Variants in COL19A1 observed in about 807,000 individuals in gnomAD.
COL19A1 encodes the protein collagen alpha-1(XIX) chain.
A neutral mutation model predicts 190.2 loss-of-function variants in COL19A1; 159 were observed. The ratio of observed to expected loss-of-function variants is 0.84; its 90% CI spans 0.73 to 0.95. The LOEUF is 0.95. COL19A1 is among the 40% of genes least tolerant of loss of function. The probability of loss-of-function intolerance (pLI) is 0.00; values close to 1 mark genes in which losing one functional copy is unlikely to be tolerated. For synonymous variants in COL19A1, 509 were observed against 458.9 expected (o/e 1.11, Z -1.39); for missense variants, 1,418 against 1,431.9 (o/e 0.99, Z 0.16).
intron 11 of COL19A1, among the ~76,000 whole-genome samples, chr6:69,986,710 G>A (rs1776336392): frequency 6.6e-6 from 1 of 152,112 alleles, no homozygotes; most frequent in East Asian, 1.9e-4. Flanking sequence ...TTCAAGTAAT[G>A]CTTATTTTGA....
intron 15 of COL19A1, among the ~76,000 whole-genome samples, chr6:70,079,208 A>G (rs116960594): frequency 6.6e-6 from 1 of 152,256 alleles, no homozygotes; most frequent in Non-Finnish European, 1.5e-5. Context: ...TTCAGAAGTG[A>G]TTGCTGACGT....
Position 70,142,752 on chromosome 6 carries a change from C to A in COL19A1, c.1573-15C>A. 1 of 1,605,448 alleles carries A rather than the reference C, an allele frequency of 6.2e-7. No homozygotes were observed. ...TTTTTAGCAAAGCTAAAGTATATAC[C>A]ACCTTTTATTTTAGGGTCAGCAAGG... On this transcript the variant is annotated splice_polypyrimidine_tract_variant and intron_variant, in intron 22 of 50. Coordinates refer to ENST00000620364, the MANE Select transcript of COL19A1 (RefSeq NM_001858.6).
intron 11 of COL19A1, among the ~76,000 whole-genome samples, chr6:69,968,499 C>A (rs574334783): frequency 1.3e-5 from 2 of 152,172 alleles, no homozygotes; most frequent in East Asian, 3.9e-4. Context: ...TATTTTTATA[C>A]TAGTACCACA....
intron 47 of COL19A1, 150 bp from the exon 48 acceptor site, chr6:70,190,165 T>C (rs773855717): frequency 9.5e-6 from 6 of 630,904 alleles, no homozygotes; most frequent in Non-Finnish European, 1.7e-5. Context: ...AACAGATATT[T>C]ATTGCCCAAT....
intron 11 of COL19A1, among the ~76,000 whole-genome samples, chr6:70,007,307 A>G: frequency 6.6e-6 from 1 of 152,106 alleles, no homozygotes; most frequent in Non-Finnish European, 1.5e-5. Context: ...TTACAAAGCA[A>G]TATCCAACTA....
At chr6:69,882,989 GA>G (rs1394393688) in intron 2 of COL19A1, among the ~76,000 whole-genome samples, 1 of 152,194 alleles carries the variant, frequency 6.6e-6, no homozygotes, top group Non-Finnish European at 1.5e-5. Context: ...GAAAGTGGAG[GA>G]AAGCTTCACA....
Position 70,068,407 on chromosome 6 carries a change from C to T in COL19A1, c.1171-16C>T, listed in dbSNP as rs763156390. The T allele has an allele frequency of 6.5e-7, 1 of 1,539,726 alleles. No individual in the cohort carries two copies. The highest frequency in any genetic ancestry group is 9.0e-7 in the Non-Finnish European group (1 of 1,111,944). Reference sequence around the variant, plus strand: ...CTTGAAACAGTGTATTAACATGTGTCTCTTTTTCCTCATAGGGTTCCCTGG... The same window carrying T: ...CTTGAAACAGTGTATTAACATGTGTTTCTTTTTCCTCATAGGGTTCCCTGG... On this transcript the variant is annotated splice_polypyrimidine_tract_variant and intron_variant, in intron 14 of 50. Coordinates refer to ENST00000620364, the MANE Select transcript of COL19A1 (RefSeq NM_001858.6).
At chr6:70,076,121 G>A (rs982326093) in intron 15 of COL19A1, among the ~76,000 whole-genome samples, 1 of 152,146 alleles carries the variant, frequency 6.6e-6, no homozygotes, top group Non-Finnish European at 1.5e-5. Context: ...TCAGAAAGAA[G>A]CCTGGAGAGG....
intron 15 of COL19A1, among the ~76,000 whole-genome samples, chr6:70,079,997 A>C (rs1036539335): frequency 6.6e-6 from 1 of 152,200 alleles, no homozygotes; most frequent in African/African-American, 2.4e-5. Flanking sequence ...GGAAGAGGCC[A>C]AAAGGGAAGG....
intron 14 of COL19A1, among the ~76,000 whole-genome samples, chr6:70,053,371 A>T (rs1780315311): frequency 6.6e-6 from 1 of 152,174 alleles, no homozygotes; most frequent in Non-Finnish European, 1.5e-5. Flanking sequence ...ATTGAAAATT[A>T]GGGTTTTTTT....
chr6:70,105,799 T>C (rs3806028), intron 16 of COL19A1, among the ~76,000 whole-genome samples: 21,462 of 152,206 alleles, frequency 0.14, 1,854 homozygotes, highest in South Asian at 0.28. Flanking sequence ...GAATATCTTA[T>C]GAAAATGTGA....
chr6:69,930,262 T>A (rs1772671660), intron 6 of COL19A1, among the ~76,000 whole-genome samples: 1 of 152,194 alleles, frequency 6.6e-6, no homozygotes, highest in African/African-American at 2.4e-5. Flanking sequence ...CCCTTTTGGA[T>A]AAAAAGTTAC....
intron 4 of COL19A1, among the ~76,000 whole-genome samples, chr6:69,901,602 G>A (rs1770194920): frequency 6.6e-6 from 1 of 152,128 alleles, no homozygotes; most frequent in Non-Finnish European, 1.5e-5. Flanking sequence ...AAATTCTCAG[G>A]GTACAGCAGT....
intron 15 of COL19A1, among the ~76,000 whole-genome samples, chr6:70,070,684 A>T (rs964179233): frequency 2.0e-5 from 3 of 152,138 alleles, no homozygotes; most frequent in Non-Finnish European, 4.4e-5. Flanking sequence ...TTTAGGTCCA[A>T]CTGAGTGCCA....
At chr6:69,949,311 G>T in intron 9 of COL19A1, among the ~76,000 whole-genome samples, 1 of 151,758 alleles carries the variant, frequency 6.6e-6, no homozygotes, top group Non-Finnish European at 1.5e-5. Flanking sequence ...TCAGTCCCTG[G>T]TGGTGCCAGC....
chr6:69,956,563 T>C (rs540130480), intron 9 of COL19A1, among the ~76,000 whole-genome samples: 1 of 152,156 alleles, frequency 6.6e-6, no homozygotes, highest in South Asian at 2.1e-4. Context: ...TTAAGAACCA[T>C]AAAATATTTC....
intron 2 of COL19A1, among the ~76,000 whole-genome samples, chr6:69,886,058 G>A (rs1209438164): frequency 2.6e-5 from 4 of 151,934 alleles, no homozygotes; most frequent in African/African-American, 9.7e-5. Flanking sequence ...CCTATGGGCT[G>A]GGAAAAAATA....
intron 9 of COL19A1, among the ~76,000 whole-genome samples, chr6:69,957,329 A>G (rs903087693): frequency 2.0e-5 from 3 of 152,124 alleles, no homozygotes; most frequent in African/African-American, 4.8e-5. Flanking sequence ...CTTTGTCCCA[A>G]AAACTTCTCA....
chr6:70,185,662 T>A (rs1766467098), intron 46 of COL19A1, among the ~76,000 whole-genome samples: 1 of 152,210 alleles, frequency 6.6e-6, no homozygotes, highest in Non-Finnish European at 1.5e-5. Context: ...AATTAACTTC[T>A]ACTAGAATTA....
Sources: gnomAD v4.1 joint callset for allele counts (sites outside exome capture counted in the v4.1 genomes callset) on GRCh38, gnomAD v4.1.1 for gene constraint, MANE v1.5 for transcripts, NCBI Gene and HGNC (gene_info 2026-07-23, HGNC 2026-07-21) for gene names.